The following STK10 variants were observed in gnomAD, a reference collection of about 807,000 sequenced individuals.
STK10 encodes the protein serine/threonine kinase 10, also known as serine/threonine-protein kinase 10.
STK10 carries 78 observed loss-of-function variants against 113.8 expected under a neutral mutation model. The observed-to-expected ratio is 0.69, with a 90% CI of 0.57 to 0.83. The LOEUF is 0.83. Among genes scored for constraint, STK10 ranks in the 40% least tolerant of loss-of-function variants. The probability of loss-of-function intolerance (pLI) is 0.00; values close to 1 mark genes in which losing one functional copy is unlikely to be tolerated. For missense variants in STK10, 1,109 were observed against 1,280.1 expected (o/e 0.87, Z 2.04); for synonymous variants, 465 against 494.7 (o/e 0.94, Z 0.80).
chr5:172,086,101 G>A (rs774554759), intron 10 of STK10, among the ~76,000 whole-genome samples: 3 of 152,196 alleles, frequency 2.0e-5, no homozygotes, highest in Non-Finnish European at 4.4e-5. Flanking sequence ...TCCCTCCTCT[G>A]CAAAATGAGG....
At chr5:172,132,495 G>A (rs28489601) in intron 2 of STK10, among the ~76,000 whole-genome samples, 3,618 of 152,050 alleles carry the variant, frequency 0.024, 151 homozygotes, top group African/African-American at 0.082. Context: ...CCAGTCCCCT[G>A]CTTCCTGGAT....
At chr5:172,149,575 G>C (rs954897036) in intron 2 of STK10, among the ~76,000 whole-genome samples, 3 of 136,686 alleles carry the variant, frequency 2.2e-5, no homozygotes, top group Admixed American at 7.1e-5. Flanking sequence ...TCCAGAGAGA[G>C]GGCAGGGGTT....
intron 1 of STK10, among the ~76,000 whole-genome samples, chr5:172,170,464 T>A (rs1229762907): frequency 3.3e-5 from 5 of 152,110 alleles, no homozygotes; most frequent in African/African-American, 9.7e-5. Flanking sequence ...TGGCCAAGTT[T>A]CAGAACAAGT....
intron 2 of STK10, among the ~76,000 whole-genome samples, chr5:172,142,349 T>C (rs1209481922): frequency 6.6e-6 from 1 of 152,180 alleles, no homozygotes; most frequent in Admixed American, 6.5e-5. Flanking sequence ...GGAATAAATA[T>C]TGACACCAAA....
chr5:172,078,857 G>C (rs1275497477), intron 12 of STK10, among the ~76,000 whole-genome samples: 1 of 151,910 alleles, frequency 6.6e-6, no homozygotes, highest in African/African-American at 2.4e-5. Flanking sequence ...CAAGTTCTGG[G>C]AAAGGGTGAG....
intron 1 of STK10, among the ~76,000 whole-genome samples, chr5:172,186,958 G>A (rs1223894936): frequency 2.6e-5 from 4 of 152,116 alleles, no homozygotes; most frequent in Admixed American, 6.6e-5. Context: ...CAAGGAGGAG[G>A]ATAGTGGCTT....
At chr5:172,112,754 CTTTT>C (rs143594504) in intron 4 of STK10, among the ~76,000 whole-genome samples, 1 of 148,988 alleles carries the variant, frequency 6.7e-6, no homozygotes, top group African/African-American at 2.5e-5. Context: ...CACTTTTATT[CTTTT>C]TTTTTCAGAT....
intron 2 of STK10, among the ~76,000 whole-genome samples, chr5:172,152,306 A>G (rs1251599123): frequency 6.6e-6 from 1 of 152,216 alleles, no homozygotes; most frequent in Non-Finnish European, 1.5e-5. Flanking sequence ...AATGGGCCAA[A>G]TGCCAGACAC....
At position 172,085,737 on chromosome 5, in the gene STK10, C is replaced by T. The variant is rs183472476; in HGVS notation, c.1686-2653G>A. On this transcript the variant is annotated intron_variant, in intron 10 of 18. Coordinates refer to ENST00000176763, the MANE Select transcript of STK10 (RefSeq NM_005990.4). ...AATTGCTACATATCATTCATATAAT[C>T]GGAAAAAAAGAAAAAACCAAACTAC... 2.9e-3 allele frequency among the ~76,000 whole-genome samples: 435 copies of T among 151,526 alleles called. 3 individuals carry two copies. Among genetic ancestry groups the T allele is most frequent in the African/African-American group, 0.01 (416 of 41,266 alleles).
chr5:172,166,172 G>A (rs547689269), intron 1 of STK10, among the ~76,000 whole-genome samples: 1 of 152,202 alleles, frequency 6.6e-6, no homozygotes, highest in African/African-American at 2.4e-5. Context: ...AGAATGAAAG[G>A]CTGAAGGGTC....
chr5:172,092,870 C>G (rs981946160), intron 9 of STK10: 1 of 152,836 alleles, frequency 6.5e-6, no homozygotes, highest in African/African-American at 2.4e-5. Flanking sequence ...TCCTACCTGG[C>G]CCTGGGCTGG....
chr5:172,122,915 G>A (rs898267600), intron 3 of STK10, among the ~76,000 whole-genome samples: 2 of 152,142 alleles, frequency 1.3e-5, no homozygotes, highest in South Asian at 2.1e-4. Context: ...GAGCCACCGC[G>A]CCCGGCCAAG....
intron 2 of STK10, among the ~76,000 whole-genome samples, chr5:172,152,251 AGTTG>A (rs1770248949): frequency 6.6e-6 from 1 of 152,182 alleles, no homozygotes; most frequent in Non-Finnish European, 1.5e-5. Flanking sequence ...AATGACATCG[AGTTG>A]GTAGCTTGAA....
intron 18 of STK10, 48 bp downstream of exon 18, chr5:172,052,881 G>T (rs957859151): frequency 3.8e-6 from 6 of 1,586,746 alleles, no homozygotes; most frequent in African/African-American, 2.7e-5. Flanking sequence ...CCTGTGCATG[G>T]CACAGAGCAG....
At chr5:172,119,587 A>G (rs1380851980) in intron 3 of STK10, among the ~76,000 whole-genome samples, 10 of 152,112 alleles carry the variant, frequency 6.6e-5, no homozygotes, top group Admixed American at 6.6e-4. Flanking sequence ...AAAATAGGCC[A>G]GGCGCGGTGG....
At chr5:172,130,360 G>A (rs1324884404) in intron 2 of STK10, among the ~76,000 whole-genome samples, 11 of 151,994 alleles carry the variant, frequency 7.2e-5, no homozygotes, top group Admixed American at 3.3e-4. Flanking sequence ...GCAAAACCCC[G>A]TCTCCACTAA....
At chr5:172,051,062 G>A (rs1017178299) in intron 18 of STK10, among the ~76,000 whole-genome samples, 2 of 150,924 alleles carry the variant, frequency 1.3e-5, no homozygotes, top group African/African-American at 4.9e-5. Context: ...GCAGTGAACC[G>A]AGATAGCGCC....
At chr5:172,152,024 G>T (rs2113812484) in intron 2 of STK10, among the ~76,000 whole-genome samples, 1 of 152,352 alleles carries the variant, frequency 6.6e-6, no homozygotes, top group South Asian at 2.1e-4. Flanking sequence ...CAGCTAAAAT[G>T]TCACCTCATG....
chr5:172,155,036 C>T (rs1240800249), intron 2 of STK10, among the ~76,000 whole-genome samples: 2 of 131,098 alleles, frequency 1.5e-5, no homozygotes, highest in African/African-American at 5.7e-5. Flanking sequence ...AGCTATTTTT[C>T]TTAATGGGTA....
Sources: allele counts gnomAD v4.1 joint callset (sites outside exome capture counted in the v4.1 genomes callset), GRCh38; gene constraint gnomAD v4.1.1; transcripts MANE v1.5; gene names NCBI Gene and HGNC (gene_info 2026-07-23, HGNC 2026-07-21).